Variants in NCOR1 observed in about 807,000 individuals in gnomAD.
NCOR1 encodes the protein nuclear receptor corepressor 1.
In NCOR1, 63 loss-of-function variants were observed where a neutral mutation model predicts 288.1. The ratio of observed to expected loss-of-function variants is 0.22; its 90% confidence interval spans 0.18 to 0.27. The LOEUF (loss-of-function observed/expected upper bound fraction) is 0.27, where lower values mean the gene tolerates loss of function less well. Among genes scored for constraint, NCOR1 ranks in the 10% least tolerant of loss-of-function variants. The probability of loss-of-function intolerance (pLI) is 1.00; values close to 1 mark genes in which losing one functional copy is unlikely to be tolerated. For synonymous variants in NCOR1, 1,007 were observed against 1,065.9 expected, an observed-to-expected ratio of 0.94 and a Z score of 1.08; for missense variants, 2,397 against 3,019.2, an observed-to-expected ratio of 0.79 and a Z score of 4.83.
At chr17:16,172,585 CAAAG>C (rs758652745) in intron 3 of NCOR1, among the ~76,000 whole-genome samples, 1 of 152,148 alleles carries the variant, frequency 6.6e-6, no homozygotes, top group African/African-American at 2.4e-5. Flanking sequence ...GCTATTGCTA[CAAAG>C]AAAGAGAAAT....
intron 3 of NCOR1, among the ~76,000 whole-genome samples, chr17:16,181,207 A>ATATGTGTGTGTGTGTG (rs1555787631): frequency 1.2e-5 from 1 of 85,720 alleles, no homozygotes; most frequent in East Asian, 5.5e-4. Flanking sequence ...ATACATATAT[A>ATATGTGTGTGTGTGTG]TGTATGTGTG....
At position 16,101,430 on chromosome 17, in the gene NCOR1, T is replaced by C. The variant is rs2067614950; in HGVS notation, c.2510A>G (p.Glu837Gly). Residue 837 changes from glutamate to glycine, a missense_variant, in exon 20 of 46, where the codon GAA becomes GGA. Physicochemically the swap from Glu to Gly is moderately conservative, Grantham distance 98. This residue lies in a region of NCOR1 where 1,872 missense variants were observed against 2,187.8 expected (regional missense o/e 0.86). Transcript: ENST00000268712. ...RVPENHASKVEGDNTKERDLD... is the reference protein window; with the variant it reads ...RVPENHASKVGGDNTKERDLD... ...GTCTCTTTCTTTGGTATTATCACCTTCAACTTTAGATGCATGGTTTTCTGG... is the reference window on the plus strand; with the variant it reads ...GTCTCTTTCTTTGGTATTATCACCTCCAACTTTAGATGCATGGTTTTCTGG... The C allele has an allele frequency of 6.2e-7, 1 of 1,614,232 alleles. No homozygotes were observed. Among genetic ancestry groups the C allele is most frequent in the Non-Finnish European group, 8.5e-7 (1 of 1,180,052 alleles).
At chr17:16,208,035 C>CTTTTTTTTTTT (rs71150278) in intron 1 of NCOR1, among the ~76,000 whole-genome samples, 128 of 72,566 alleles carry the variant, frequency 1.8e-3, no homozygotes, top group East Asian at 2.4e-3. Flanking sequence ...ATATTTCTTT[C>CTTTTTTTTTTT]TTTTTTTTTT....
At chr17:16,065,241 G>A (rs1477449653) in intron 33 of NCOR1, among the ~76,000 whole-genome samples, 2 of 152,188 alleles carry the variant, frequency 1.3e-5, no homozygotes, top group Non-Finnish European at 2.9e-5. Flanking sequence ...ATTAAAGAGA[G>A]CAAATTTGTA....
At chr17:16,207,164 T>G (rs1207355634) in intron 1 of NCOR1, among the ~76,000 whole-genome samples, 1 of 152,180 alleles carries the variant, frequency 6.6e-6, no homozygotes, top group African/African-American at 2.4e-5. Flanking sequence ...TAAAAATGAA[T>G]TTAAAAATCT....
chr17:16,152,327 C>T (rs1202225193), intron 7 of NCOR1, among the ~76,000 whole-genome samples: 3 of 152,032 alleles, frequency 2.0e-5, no homozygotes, highest in Admixed American at 6.6e-5. Flanking sequence ...TGACAGGCCC[C>T]GGTGTGTGAT....
chr17:16,201,435 C>T (rs981431782), intron 1 of NCOR1, among the ~76,000 whole-genome samples: 2 of 152,016 alleles, frequency 1.3e-5, no homozygotes, highest in East Asian at 3.9e-4. Context: ...CCCGTCTACA[C>T]TAAAAATACA....
chr17:16,179,488 CAAAGA>C (rs2084929457), intron 3 of NCOR1, among the ~76,000 whole-genome samples: 1 of 152,086 alleles, frequency 6.6e-6, no homozygotes, highest in Admixed American at 6.6e-5. Flanking sequence ...AACTTCTCAA[CAAAGA>C]AAACTCCAGT....
chr17:16,187,149 C>T (rs1376129268), intron 2 of NCOR1, among the ~76,000 whole-genome samples: 2 of 151,312 alleles, frequency 1.3e-5, no homozygotes, highest in Non-Finnish European at 2.9e-5. Flanking sequence ...CCCATCAAAA[C>T]TAGGTGAGTG....
At chr17:16,172,458 A>G (rs1205944397) in intron 3 of NCOR1, among the ~76,000 whole-genome samples, 1 of 152,234 alleles carries the variant, frequency 6.6e-6, no homozygotes, top group Non-Finnish European at 1.5e-5. Flanking sequence ...GAATATCTAT[A>G]AACTAATATT....
At position 16,092,022 on chromosome 17, in the gene NCOR1, G is replaced by C. The variant is rs1240475793; in HGVS notation, c.2857C>G (p.Pro953Ala). The C allele has an allele frequency of 6.2e-7, 1 of 1,614,038 alleles. No individual in the cohort carries two copies. Among genetic ancestry groups the C allele is most frequent in the Non-Finnish European group, 8.5e-7 (1 of 1,180,022 alleles). The change falls in exon 22 of 46, where the codon CCA becomes GCA. Residue 953 changes from proline (P) to alanine (A), a missense_variant. This residue lies in a region of NCOR1 where 1,872 missense variants were observed against 2,187.8 expected (regional missense o/e 0.86). Coordinates refer to ENST00000268712, the MANE Select transcript of NCOR1 (RefSeq NM_006311.4). Reference sequence around the variant, plus strand: ...TGGTAGAGAGCATAGCCGCTCACTGGGGTTCCAATTGGTATGTTACATGGG... The same window carrying C: ...TGGTAGAGAGCATAGCCGCTCACTGCGGTTCCAATTGGTATGTTACATGGG... ...CTPCNIPIGT[P>A]VSGYALYQRH... is the part of the protein sequence containing the mutation.
intron 1 of NCOR1, among the ~76,000 whole-genome samples, chr17:16,207,393 C>G (rs1389016347): frequency 6.6e-6 from 1 of 152,102 alleles, no homozygotes; most frequent in Non-Finnish European, 1.5e-5. Flanking sequence ...AAGGGGCAAT[C>G]TATAAGCATA....
intron 6 of NCOR1, among the ~76,000 whole-genome samples, chr17:16,155,703 C>T (rs1250473031): frequency 6.6e-6 from 1 of 152,184 alleles, no homozygotes; most frequent in Admixed American, 6.5e-5. Flanking sequence ...CCACACTTGG[C>T]TTAATTCCAA....
At position 16,080,054 on chromosome 17, in the gene NCOR1, T is replaced by G; in HGVS notation, c.3411A>C (p.Gly1137=). ...QHEGVVRGTA[G]AIQEGSITRG... Reference sequence around the variant, plus strand: ...GAGTTATACTTCCTTCTTGTATGGCTCCTGCGGTACCTGAATACAAACAAA... The same window carrying G: ...GAGTTATACTTCCTTCTTGTATGGCGCCTGCGGTACCTGAATACAAACAAA... The change falls in exon 26 of 46, where the codon GGA becomes GGC. Residue 1137 remains glycine, a synonymous_variant. Transcript: ENST00000268712. The G allele has an allele frequency of 1.2e-6, 2 of 1,613,918 alleles. No homozygotes were observed. Among genetic ancestry groups the G allele is most frequent in the East Asian group, 4.5e-5 (2 of 44,870 alleles).
rs2153057136 is a variant in NCOR1 at position 16,108,921 on chromosome 17, G to C, written c.2056-9C>G. 1 of 1,552,020 alleles carries C rather than the reference G, an allele frequency of 6.4e-7. No homozygotes were observed. Among genetic ancestry groups the C allele is most frequent in the Non-Finnish European group, 8.7e-7 (1 of 1,153,704 alleles). On this transcript the variant is annotated splice_polypyrimidine_tract_variant and intron_variant, in intron 18 of 45. Transcript: ENST00000268712. ...CGAGGTTTTCGTGAAGTCTAAAGGAGGAAAGAGTATTATTTGATTTAAATA... is the reference window on the plus strand; with the variant it reads ...CGAGGTTTTCGTGAAGTCTAAAGGACGAAAGAGTATTATTTGATTTAAATA...
intron 40 of NCOR1, among the ~76,000 whole-genome samples, chr17:16,055,126 A>G (rs1567732078): frequency 6.6e-6 from 1 of 152,336 alleles, no homozygotes; most frequent in East Asian, 1.9e-4. Flanking sequence ...AAATTCCTCA[A>G]AGACCTAAAT....
chr17:16,087,367 A>C, intron 22 of NCOR1: 6 of 1,295,432 alleles, frequency 4.6e-6, no homozygotes, highest in Non-Finnish European at 6.1e-6. Flanking sequence ...AAAGTTATCA[A>C]AATAAGGGAA....
intron 7 of NCOR1, among the ~76,000 whole-genome samples, chr17:16,152,638 G>A (rs2079065231): frequency 6.6e-6 from 1 of 152,158 alleles, no homozygotes; most frequent in Non-Finnish European, 1.5e-5. Flanking sequence ...CTTTACAGTA[G>A]CATGATTTAT....
intron 45 of NCOR1, among the ~76,000 whole-genome samples, chr17:16,034,397 T>A (rs1973554786): frequency 6.6e-6 from 1 of 152,120 alleles, no homozygotes; most frequent in Admixed American, 6.6e-5. Flanking sequence ...GAGACCAGCC[T>A]GGGCAACGTA....
Sources: gnomAD v4.1 joint callset for allele counts (sites outside exome capture counted in the v4.1 genomes callset) on GRCh38, gnomAD v4.1.1 for gene constraint, gnomAD v4.1.1 regional missense constraint, MANE v1.5 for transcripts, NCBI Gene and HGNC (gene_info 2026-07-23, HGNC 2026-07-21) for gene names.